The following LIMK1 variants were observed in gnomAD, a reference collection of about 807,000 sequenced individuals.
LIMK1 encodes LIM domain kinase 1, also known as LIM motif-containing protein kinase.
LIMK1 carries 21 observed loss-of-function variants against 77.6 expected under a neutral mutation model. The ratio of observed to expected loss-of-function variants is 0.27; its 90% CI spans 0.19 to 0.39. The LOEUF (loss-of-function observed/expected upper bound fraction) is 0.39. Among genes scored for constraint, LIMK1 ranks in the 10% least tolerant of loss-of-function variants. The pLI is 1.00. For missense variants in LIMK1, 696 were observed against 901.6 expected (o/e 0.77, Z 2.92); for synonymous variants, 358 against 370.0 (o/e 0.97, Z 0.37).
At position 74,111,804 on chromosome 7, in the gene LIMK1, A is replaced by T; in HGVS notation, c.1344+97A>T. On this transcript the variant is annotated intron_variant, in intron 11 of 15. Coordinates refer to ENST00000336180, the MANE Select transcript of LIMK1 (RefSeq NM_002314.4). ...CTTTGAAAGAGGGCAGAGGGGGTCGATGGGAGAGTGGGAAGAATCGTCCCG... is the reference window on the plus strand; with the variant it reads ...CTTTGAAAGAGGGCAGAGGGGGTCGTTGGGAGAGTGGGAAGAATCGTCCCG... The T allele has an allele frequency of 3.5e-6, 5 of 1,442,516 alleles. No individual in the cohort carries two copies. In the South Asian group the frequency reaches 4.6e-5, roughly 13 times the overall value. 89.4% of individuals were successfully genotyped at this position (1,442,516 alleles called of 1,614,324 possible). A position where few individuals can be genotyped will look rare whatever the true frequency, so the allele number is the denominator to read the frequency against.
intron 12 of LIMK1, among the ~76,000 whole-genome samples, chr7:74,113,185 G>A (rs1332347772): frequency 3.3e-5 from 5 of 152,008 alleles, no homozygotes; most frequent in South Asian, 2.1e-4. Context: ...ATAGCCAGCC[G>A]TGGTGGCATA....
At position 74,105,979 on chromosome 7, in the gene LIMK1, A is replaced by G. The variant is rs1362735412; in HGVS notation, c.713A>G (p.Glu238Gly). Residue 238 changes from glutamate to glycine, a missense_variant and splice_region_variant, in exon 6 of 16, where the codon GAG becomes GGG. Transcript: ENST00000336180. ...GTPIRNVPLD[E>G]IDLLIQETSR... ...CCCATCCGAAATGTGCCCCTGGACG[A>G]GGTACGGTCCTGAGTCTGTGGGGCA... is the stretch of plus-strand genomic sequence containing the variant. 4.3e-6 allele frequency: 7 copies of G among 1,613,862 alleles called. No individual in the cohort carries two copies. The African/African-American group carries it at 8.0e-5, about 18-fold the overall frequency.
rs1554693992 is a variant in LIMK1 at position 74,085,832 on chromosome 7, C to T, written c.140C>T (p.Ala47Val). The T allele has an allele frequency of 1.9e-6, 3 of 1,553,894 alleles. No homozygotes were observed. Among genetic ancestry groups the T allele is most frequent in the Non-Finnish European group, 2.6e-6 (3 of 1,149,068 alleles). The change falls in exon 2 of 16, where the codon GCA (alanine) becomes GTA (valine). Residue 47 changes from alanine to valine, a missense_variant. Around this residue, in one of 3 missense-constraint regions of LIMK1, gnomAD observed 252 missense variants for 279.4 expected, o/e 0.90. Coordinates refer to ENST00000336180, the MANE Select transcript of LIMK1 (RefSeq NM_002314.4). ...CAGGCCCTGAACGCGGACTGGCACGCAGACTGCTTCAGGTAGGGTGGGGTG... is the reference window on the plus strand; with the variant it reads ...CAGGCCCTGAACGCGGACTGGCACGTAGACTGCTTCAGGTAGGGTGGGGTG... Reference protein sequence around the residue: ...YLQALNADWHADCFRCCDCSA... With the variant: ...YLQALNADWHVDCFRCCDCSA...
At chr7:74,117,792 G>A (rs749679676) in intron 13 of LIMK1, among the ~76,000 whole-genome samples, 2 of 151,880 alleles carry the variant, frequency 1.3e-5, no homozygotes, top group Non-Finnish European at 2.9e-5. Context: ...CCTGGGCAAC[G>A]GAGTGAGACC....
chr7:74,098,559 A>G (rs1799381547), intron 4 of LIMK1, among the ~76,000 whole-genome samples: 1 of 152,180 alleles, frequency 6.6e-6, no homozygotes, highest in African/African-American at 2.4e-5. Flanking sequence ...GAAAGAAAAG[A>G]AAGCTGGCCA....
chr7:74,084,695 C>T (rs1799099116), intron 1 of LIMK1, among the ~76,000 whole-genome samples: 2 of 152,142 alleles, frequency 1.3e-5, no homozygotes, highest in Admixed American at 1.3e-4. Context: ...CTCATCCTAA[C>T]CTCCTCTTTA....
intron 15 of LIMK1, 21 bp from the exon 16 acceptor site, chr7:74,121,118 C>T: frequency 6.2e-7 from 1 of 1,608,628 alleles, no homozygotes; most frequent in South Asian, 1.1e-5. Flanking sequence ...ACCCACCGTT[C>T]CCCACCCACC....
Position 74,083,969 on chromosome 7 carries a change from GGCCCC to G in LIMK1, c.-16_-12del. ...GCCGCCCCCAGCCCCAGCCCCGCCG[GGCCCC>G]GCCCCCCGTCGAGTGCATGAGGTTG... On this transcript the variant is annotated 5_prime_UTR_variant, in exon 1 of 16. Coordinates refer to ENST00000336180, the MANE Select transcript of LIMK1 (RefSeq NM_002314.4). 1 of 1,278,920 alleles carries G rather than the reference GGCCCC, an allele frequency of 7.8e-7. No homozygotes were observed. Among genetic ancestry groups the G allele is most frequent in the Non-Finnish European group, 1.0e-6 (1 of 982,406 alleles). The allele number at this position is 1,278,920 out of a possible 1,614,324, so 79.2% of individuals were successfully genotyped here.
intron 4 of LIMK1, 61 bp downstream of exon 4, chr7:74,097,250 G>T: frequency 9.0e-7 from 1 of 1,110,378 alleles, no homozygotes; most frequent in Non-Finnish European, 1.3e-6. Context: ...ATCTGCAAGG[G>T]TGCTGACTCT....
At chr7:74,102,484 C>CTTTTTTTT (rs71094754) in intron 5 of LIMK1, among the ~76,000 whole-genome samples, 7,740 of 53,732 alleles carry the variant, frequency 0.14, 2,183 homozygotes, top group Non-Finnish European at 0.18. Context: ...AGGACCTTCT[C>CTTTTTTTT]TTTTTTTTTT....
rs782095930 is a variant in LIMK1 at position 74,109,052 on chromosome 7, A to G, written c.1284+16A>G. 5.6e-6 allele frequency: 9 copies of G among 1,601,770 alleles called. No individual in the cohort carries two copies. Among genetic ancestry groups the G allele is most frequent in the Admixed American group, 5.1e-5 (3 of 59,152 alleles). On this transcript the variant is annotated intron_variant, in intron 10 of 15. Transcript: ENST00000336180. The stretch of plus-strand genomic sequence containing the variant: ...CAAGAGCATGGTGAGTCCTGGGCAG[A>G]GCCAGCCACCCCCGCTGTGCGGCCC...
At chr7:74,088,976 CTG>C (rs1554694421) in intron 2 of LIMK1, among the ~76,000 whole-genome samples, 1 of 152,014 alleles carries the variant, frequency 6.6e-6, no homozygotes, top group Non-Finnish European at 1.5e-5. Context: ...GGGACAGTGA[CTG>C]AGGATGGAGA....
Position 74,115,947 on chromosome 7 carries a change from A to G in LIMK1, c.1556A>G (p.Glu519Gly). 1 of 1,614,040 alleles carries G rather than the reference A, an allele frequency of 6.2e-7. No homozygotes were observed. Among genetic ancestry groups the G allele is most frequent in the Non-Finnish European group, 8.5e-7 (1 of 1,179,934 alleles). Reference protein sequence around the residue: ...VVGNPYWMAPEMINGRSYDEK... With the variant: ...VVGNPYWMAPGMINGRSYDEK... ...GGCAACCCCTACTGGATGGCACCTG[A>G]GATGATCAACGGTGAGTGGTTCAGC... The change falls in exon 13 of 16, where the codon GAG becomes GGG. Residue 519 changes from glutamate to glycine, a missense_variant. Glu to Gly is a moderately conservative substitution (Grantham distance 98). Around this residue, in one of 3 missense-constraint regions of LIMK1, gnomAD observed 438 missense variants for 602.3 expected, o/e 0.73. Coordinates refer to ENST00000336180, the MANE Select transcript of LIMK1 (RefSeq NM_002314.4).
intron 10 of LIMK1, 74 bp downstream of exon 10, chr7:74,109,110 C>T (rs1554698191): frequency 7.5e-6 from 9 of 1,196,302 alleles, no homozygotes; most frequent in Non-Finnish European, 1.1e-5. Context: ...GAGCCTCAGT[C>T]TCATCTCTTC....
chr7:74,117,301 A>C (rs1180770614), intron 13 of LIMK1, among the ~76,000 whole-genome samples: 1 of 152,054 alleles, frequency 6.6e-6, no homozygotes, highest in Non-Finnish European at 1.5e-5. Context: ...TCCAGGCATG[A>C]GCCACCATGG....
At chr7:74,089,955 G>GT (rs1397028069) in intron 2 of LIMK1, among the ~76,000 whole-genome samples, 2 of 152,136 alleles carry the variant, frequency 1.3e-5, no homozygotes, top group Admixed American at 6.6e-5. Context: ...GAGGGAAGCC[G>GT]TGTTACAGGA....
chr7:74,094,726 G>A (rs572014414), intron 2 of LIMK1, among the ~76,000 whole-genome samples: 44 of 151,502 alleles, frequency 2.9e-4, no homozygotes, highest in Non-Finnish European at 5.9e-4. Context: ...ACCAACTTCC[G>A]TCCTCCGCCC....
chr7:74,094,198 G>T (rs1799293488), intron 2 of LIMK1: 3 of 152,422 alleles, frequency 2.0e-5, no homozygotes, highest in Non-Finnish European at 4.4e-5. Flanking sequence ...AGACACTGGT[G>T]GGCAGACCTA....
chr7:74,098,509 G>A (rs987503799), intron 4 of LIMK1, among the ~76,000 whole-genome samples: 4 of 152,132 alleles, frequency 2.6e-5, no homozygotes, highest in Non-Finnish European at 5.9e-5. Context: ...AGGGCTGGCT[G>A]GGCACGCACA....
Sources: gnomAD v4.1 joint callset for allele counts (sites outside exome capture counted in the v4.1 genomes callset) on GRCh38, gnomAD v4.1.1 for gene constraint, gnomAD v4.1.1 regional missense constraint, MANE v1.5 for transcripts, NCBI Gene and HGNC (gene_info 2026-07-23, HGNC 2026-07-21) for gene names.